Variants in SCFD2 observed in about 807,000 individuals in gnomAD.
The protein encoded by SCFD2 is sec1 family domain-containing protein 2.
Under a neutral mutation model 58.9 loss-of-function variants are expected in SCFD2, and 54 were observed. The observed-to-expected ratio is 0.92, with a 90% CI of 0.74 to 1.15. The LOEUF (loss-of-function observed/expected upper bound fraction) is 1.15, where lower values mean the gene tolerates loss of function less well. Among genes scored for constraint, SCFD2 ranks in the 50% most tolerant of loss-of-function variants. The pLI is 0.00. For synonymous variants in SCFD2, 321 were observed against 335.9 expected (o/e 0.96, Z 0.49); for missense variants, 805 against 836.6 (o/e 0.96, Z 0.47).
intron 3 of SCFD2, among the ~76,000 whole-genome samples, chr4:53,282,647 A>G (rs1731540999): frequency 1.3e-5 from 2 of 152,318 alleles, no homozygotes; most frequent in South Asian, 2.1e-4. Flanking sequence ...GATTTTATGT[A>G]TCTATACATA....
chr4:53,041,145 T>C (rs1313205043), intron 5 of SCFD2, among the ~76,000 whole-genome samples: 1 of 152,184 alleles, frequency 6.6e-6, no homozygotes, highest in African/African-American at 2.4e-5. Flanking sequence ...AAAGCTATTA[T>C]TGGGTCAATA....
At chr4:53,340,043 G>A (rs989770452) in intron 2 of SCFD2, among the ~76,000 whole-genome samples, 14 of 152,130 alleles carry the variant, frequency 9.2e-5, no homozygotes, top group Admixed American at 7.2e-4. Flanking sequence ...TGAGAGCAAC[G>A]CAGAAGACAG....
intron 5 of SCFD2, among the ~76,000 whole-genome samples, chr4:52,924,703 C>A (rs1355592650): frequency 6.6e-6 from 1 of 152,088 alleles, no homozygotes; most frequent in African/African-American, 2.4e-5. Flanking sequence ...TTTATTTTCC[C>A]AAACCCTATA....
At chr4:53,074,175 C>T (rs1203130798) in intron 5 of SCFD2, among the ~76,000 whole-genome samples, 4 of 152,184 alleles carry the variant, frequency 2.6e-5, no homozygotes, top group Non-Finnish European at 5.9e-5. Context: ...TTCATAGCAT[C>T]TTTGCCAGAA....
In SCFD2 at chr4:53,185,105, G is replaced by A. The variant is rs1361770253; in HGVS notation, c.1312-39523C>T. On this transcript the variant is annotated intron_variant, in intron 4 of 8. Coordinates refer to ENST00000401642, the MANE Select transcript of SCFD2 (RefSeq NM_152540.4). ...ATTCTTCACTTAATTCAGGCTACAG[G>A]GGCTGACACAGTGGAACCTGCAATC... 3.3e-5 allele frequency among the ~76,000 whole-genome samples: 5 copies of A among 152,150 alleles called. 1 individual carries two copies. Among genetic ancestry groups the A allele is most frequent in the Admixed American group, 3.3e-4 (5 of 15,254 alleles).
chr4:53,303,089 A>G (rs984310561), intron 3 of SCFD2, among the ~76,000 whole-genome samples: 5 of 152,248 alleles, frequency 3.3e-5, no homozygotes, highest in Non-Finnish European at 5.9e-5. Flanking sequence ...ACAAAAGCCA[A>G]AATAGACAAA....
At position 52,887,538 on chromosome 4, in the gene SCFD2, T is replaced by C. The variant is rs115947721; in HGVS notation, c.1843-1672A>G. ...GGTTTGATGGAGTGGGCAGGAGAAATAGTGTGAGTCAAGTTCCAGAGAAAA... is the reference window on the plus strand; with the variant it reads ...GGTTTGATGGAGTGGGCAGGAGAAACAGTGTGAGTCAAGTTCCAGAGAAAA... On this transcript the variant is annotated intron_variant, in intron 7 of 8. Coordinates refer to ENST00000401642, the MANE Select transcript of SCFD2 (RefSeq NM_152540.4). Among the ~76,000 whole-genome samples, 1,189 of 151,968 alleles carry C rather than the reference T, an allele frequency of 7.8e-3. 16 individuals are homozygous for C. The highest frequency in any genetic ancestry group is 0.026 in the African/African-American group (1,077 of 41,418).
intron 4 of SCFD2, among the ~76,000 whole-genome samples, chr4:53,177,973 C>T (rs1158185835): frequency 5.3e-5 from 8 of 152,106 alleles, no homozygotes; most frequent in African/African-American, 1.2e-4. Context: ...CCGCCATTTT[C>T]GGGTTAGTTG....
At position 53,027,326 on chromosome 4, in the gene SCFD2, G is replaced by A. The variant is rs114426368; in HGVS notation, c.1562-106456C>T. On this transcript the variant is annotated intron_variant, in intron 5 of 8. Transcript: ENST00000401642. ...CTGGTCCAGCTCTGAAGTGTCCTGC[G>A]CAGTGATGTAGGTAAAGTGGGCTGA... 8.9e-3 allele frequency among the ~76,000 whole-genome samples: 1,348 copies of A among 151,962 alleles called. 15 individuals carry two copies. The highest frequency in any genetic ancestry group is 0.031 in the African/African-American group (1,287 of 41,416).
At chr4:52,984,238 T>C (rs2109571798) in intron 5 of SCFD2, among the ~76,000 whole-genome samples, 1 of 152,336 alleles carries the variant, frequency 6.6e-6, no homozygotes, top group Non-Finnish European at 1.5e-5. Flanking sequence ...ATATTGGATA[T>C]ATTCATAGTG....
intron 6 of SCFD2, among the ~76,000 whole-genome samples, chr4:52,911,857 G>A (rs1719494132): frequency 1.3e-5 from 2 of 152,154 alleles, no homozygotes; most frequent in Admixed American, 1.3e-4. Context: ...TTGCCAGCTA[G>A]GTCTGTTAGA....
intron 7 of SCFD2, among the ~76,000 whole-genome samples, chr4:52,891,255 C>T (rs1236323820): frequency 6.6e-6 from 1 of 152,140 alleles, no homozygotes; most frequent in Non-Finnish European, 1.5e-5. Context: ...TTCTAAGCAT[C>T]AGAGATTCAT....
chr4:52,889,094 C>T (rs765150915), intron 7 of SCFD2, among the ~76,000 whole-genome samples: 11 of 152,204 alleles, frequency 7.2e-5, no homozygotes, highest in Non-Finnish European at 1.0e-4. Flanking sequence ...ACGTTCTATT[C>T]ATTCTACCTA....
Position 53,216,544 on chromosome 4 carries a change from T to A in SCFD2, c.1311+57282A>T, listed in dbSNP as rs543616395. ...TATTTGATTCTTCTCTCTTTTTTTC[T>A]TTATTAGTCTTGCTAGCTGTCTATC... On this transcript the variant is annotated intron_variant, in intron 4 of 8. Coordinates refer to ENST00000401642, the MANE Select transcript of SCFD2 (RefSeq NM_152540.4). 8.2e-4 allele frequency among the ~76,000 whole-genome samples: 125 copies of A among 152,332 alleles called. 1 individual carries two copies. Among genetic ancestry groups the A allele is most frequent in the Non-Finnish European group, 1.1e-3 (78 of 68,030 alleles).
intron 5 of SCFD2, among the ~76,000 whole-genome samples, chr4:52,952,375 G>A (rs1338742498): frequency 6.7e-6 from 1 of 149,866 alleles, no homozygotes; most frequent in East Asian, 2.0e-4. Flanking sequence ...ACAATCTAAA[G>A]GCAGCTGCCC....
chr4:52,996,832 ACAAAGGATC>A (rs1721751312), intron 5 of SCFD2, among the ~76,000 whole-genome samples: 1 of 152,238 alleles, frequency 6.6e-6, no homozygotes, highest in East Asian at 1.9e-4. Context: ...AGCAGCCAGG[ACAAAGGATC>A]AACCCAAGAG....
chr4:52,975,172 G>C (rs1721217555), intron 5 of SCFD2, among the ~76,000 whole-genome samples: 1 of 152,118 alleles, frequency 6.6e-6, no homozygotes, highest in African/African-American at 2.4e-5. Flanking sequence ...TGACAAATGG[G>C]ATCTTATTAA....
intron 5 of SCFD2, 26 bp from the exon 6 acceptor site, chr4:52,920,896 T>C: frequency 6.4e-7 from 1 of 1,551,526 alleles, no homozygotes. Flanking sequence ...GATATTTTCT[T>C]GAGTGAGTAA....
chr4:52,913,671 G>C (rs1332980445), intron 6 of SCFD2, among the ~76,000 whole-genome samples: 2 of 152,164 alleles, frequency 1.3e-5, no homozygotes, highest in Non-Finnish European at 2.9e-5. Context: ...TGCACCGCCT[G>C]GTGCCTTCCA....
Sources: allele counts gnomAD v4.1 joint callset (sites outside exome capture counted in the v4.1 genomes callset), GRCh38; gene constraint gnomAD v4.1.1; transcripts MANE v1.5; gene names NCBI Gene and HGNC (gene_info 2026-07-23, HGNC 2026-07-21).